The following MTPN variants were observed in gnomAD, a reference collection of about 807,000 sequenced individuals.
MTPN encodes the protein myotrophin, also known as granule cell differentiation protein.
MTPN carries 2 observed loss-of-function variants against 13.5 expected under a neutral mutation model. That is an observed-to-expected ratio of 0.15 (90% CI 0.06 to 0.47). The LOEUF (loss-of-function observed/expected upper bound fraction) is 0.47, where lower values mean the gene tolerates loss of function less well. Ranked by LOEUF, MTPN falls within the 20% of genes least tolerant of loss-of-function variation. The probability of loss-of-function intolerance (pLI) is 0.97; values close to 1 mark genes in which losing one functional copy is unlikely to be tolerated. For synonymous variants in MTPN, 46 were observed against 51.7 expected, an observed-to-expected ratio of 0.89 and a Z score of 0.48; for missense variants, 79 against 137.9, an observed-to-expected ratio of 0.57 and a Z score of 2.14.
chr7:135,950,509 C>G, intron 3 of MTPN, 90 bp downstream of exon 3: 1 of 1,060,282 alleles, frequency 9.4e-7, no homozygotes, highest in African/African-American at 1.6e-5. Context: ...TCTGTCCCTG[C>G]TGCCACACAA....
At chr7:135,969,093 G>GC (rs1271345340) in intron 1 of MTPN, among the ~76,000 whole-genome samples, 1 of 108,598 alleles carries the variant, frequency 9.2e-6, no homozygotes, top group Admixed American at 9.3e-5. Flanking sequence ...TGGGGTGGGG[G>GC]GGGGGGAGGA....
intron 3 of MTPN, among the ~76,000 whole-genome samples, chr7:135,949,411 C>A (rs1384260339): frequency 6.6e-6 from 1 of 152,156 alleles, no homozygotes; most frequent in Non-Finnish European, 1.5e-5. Context: ...GCTGGATCCA[C>A]TAGCGGCAAA....
chr7:135,954,363 AT>A (rs1172144145), intron 1 of MTPN, among the ~76,000 whole-genome samples: 1 of 152,260 alleles, frequency 6.6e-6, no homozygotes, highest in Non-Finnish European at 1.5e-5. Flanking sequence ...TAAAGATATT[AT>A]TTATTGTAAC....
At chr7:135,972,311 G>A (rs958366239) in intron 1 of MTPN, among the ~76,000 whole-genome samples, 1 of 152,030 alleles carries the variant, frequency 6.6e-6, no homozygotes, top group East Asian at 1.9e-4. Flanking sequence ...ATGCTACTTA[G>A]TTTGTGACCT....
At chr7:135,971,324 T>C (rs1435972085) in intron 1 of MTPN, among the ~76,000 whole-genome samples, 1 of 152,164 alleles carries the variant, frequency 6.6e-6, no homozygotes, top group Non-Finnish European at 1.5e-5. Flanking sequence ...TATTTATCAA[T>C]GCAACTCACA....
Position 135,929,912 on chromosome 7 carries a change from A to T in MTPN, c.*14T>A. 6.2e-7 allele frequency: 1 copy of T among 1,613,156 alleles called. No homozygotes were observed. The highest frequency in any genetic ancestry group is 8.5e-7 in the Non-Finnish European group (1 of 1,179,118). ...GGAGAGTCATTCTTCCGGAGTTATC[A>T]GTCCATCCATCCATCACTGGAGAAG... On this transcript the variant is annotated 3_prime_UTR_variant, in exon 4 of 4. Coordinates refer to ENST00000393085, the MANE Select transcript of MTPN (RefSeq NM_145808.4).
In MTPN at chr7:135,927,363, G is replaced by A; in HGVS notation, c.*2563C>T. The stretch of plus-strand genomic sequence containing the variant: ...AGCCTATAGATAACAGTCTGAAGCT[G>A]CAAGGGAGACTTTGTTAGTACACTA... On this transcript the variant is annotated 3_prime_UTR_variant, in exon 4 of 4. Coordinates refer to ENST00000393085, the MANE Select transcript of MTPN (RefSeq NM_145808.4). The A allele has an allele frequency of 6.4e-7, 1 of 1,550,474 alleles. No homozygotes were observed. Among genetic ancestry groups the A allele is most frequent in the Non-Finnish European group, 8.7e-7 (1 of 1,145,998 alleles).
intron 1 of MTPN, among the ~76,000 whole-genome samples, chr7:135,968,870 A>C (rs1402626276): frequency 6.6e-6 from 1 of 152,022 alleles, no homozygotes. Context: ...AGAATGTGAG[A>C]GGGAGATACT....
chr7:135,941,582 T>A (rs948584956), intron 3 of MTPN, among the ~76,000 whole-genome samples: 4 of 152,124 alleles, frequency 2.6e-5, no homozygotes, highest in African/African-American at 9.7e-5. Flanking sequence ...AACTAACAAA[T>A]GAGACTCACA....
chr7:135,967,138 C>T (rs545674290), intron 1 of MTPN, among the ~76,000 whole-genome samples: 1 of 152,114 alleles, frequency 6.6e-6, no homozygotes, highest in African/African-American at 2.4e-5. Flanking sequence ...TAAAGACATA[C>T]CCCACAGAAC....
intron 1 of MTPN, chr7:135,960,667 C>T (rs538058444): frequency 7.9e-5 from 12 of 151,806 alleles, no homozygotes; most frequent in African/African-American, 2.4e-4. Context: ...GAAATACATA[C>T]CTCTGAAATG....
chr7:135,951,290 A>G (rs1487296751), intron 2 of MTPN, among the ~76,000 whole-genome samples: 1 of 152,200 alleles, frequency 6.6e-6, no homozygotes, highest in Non-Finnish European at 1.5e-5. Flanking sequence ...CAGGGGAAAC[A>G]TACTAACCTT....
intron 1 of MTPN, among the ~76,000 whole-genome samples, chr7:135,967,931 G>T (rs918221208): frequency 6.6e-6 from 1 of 152,084 alleles, no homozygotes; most frequent in African/African-American, 2.4e-5. Flanking sequence ...AGCGTCTATT[G>T]TACTATGTTT....
chr7:135,942,817 T>A (rs1799235363), intron 3 of MTPN, among the ~76,000 whole-genome samples: 1 of 152,190 alleles, frequency 6.6e-6, no homozygotes, highest in Admixed American at 6.5e-5. Context: ...ACTAAACTTG[T>A]GTGTGTGTAG....
At chr7:135,953,272 A>G (rs1799392377) in intron 1 of MTPN, among the ~76,000 whole-genome samples, 2 of 152,334 alleles carry the variant, frequency 1.3e-5, no homozygotes, top group East Asian at 3.9e-4. Flanking sequence ...ACTCACAGGA[A>G]TCAGTTAGTA....
At chr7:135,933,928 T>A (rs370861884) in intron 3 of MTPN, among the ~76,000 whole-genome samples, 2 of 152,216 alleles carry the variant, frequency 1.3e-5, no homozygotes, top group African/African-American at 4.8e-5. Flanking sequence ...ACCTGGTTGC[T>A]TAAAAGTGTG....
chr7:135,954,655 C>T (rs978022761), intron 1 of MTPN, among the ~76,000 whole-genome samples: 1 of 152,132 alleles, frequency 6.6e-6, no homozygotes, highest in Non-Finnish European at 1.5e-5. Context: ...ATGTTACATC[C>T]TTCAGGGCTG....
chr7:135,929,490 C>A lies in MTPN; in HGVS notation c.*436G>T. ...CAGAAGGCTAGAGCTAATTGCTTAT[C>A]TCAGCACCCTAAGTTTACATCACAG... On this transcript the variant is annotated 3_prime_UTR_variant, in exon 4 of 4. Transcript: ENST00000393085. The A allele has an allele frequency of 5.6e-6, 1 of 179,740 alleles. No homozygotes were observed. The highest frequency in any genetic ancestry group is 1.3e-5 in the Non-Finnish European group (1 of 74,546). 11.1% of individuals were successfully genotyped at this position (179,740 alleles called of 1,614,324 possible).
Position 135,928,808 on chromosome 7 carries a change from G to A in MTPN, c.*1118C>T, listed in dbSNP as rs1798968550. 6.0e-6 allele frequency: 1 copy of A among 166,988 alleles called. No individual in the cohort carries two copies. The highest frequency in any genetic ancestry group is 1.5e-5 in the Non-Finnish European group (1 of 68,106). 10.3% of individuals were successfully genotyped at this position (166,988 alleles called of 1,614,324 possible). A position where few individuals can be genotyped will look rare whatever the true frequency, so the allele number is the denominator to read the frequency against. On this transcript the variant is annotated 3_prime_UTR_variant, in exon 4 of 4. Coordinates refer to ENST00000393085, the MANE Select transcript of MTPN (RefSeq NM_145808.4). ...GCAACAAAAATATATTATGCAGGTG[G>A]GTTGGCATATGTTCAGCAGAAGCCT...
Sources: allele counts gnomAD v4.1 joint callset (sites outside exome capture counted in the v4.1 genomes callset), GRCh38; gene constraint gnomAD v4.1.1; transcripts MANE v1.5; gene names NCBI Gene and HGNC (gene_info 2026-07-23, HGNC 2026-07-21).